Variants in AGBL4 observed in about 807,000 individuals in gnomAD.
The protein encoded by AGBL4 is cytosolic carboxypeptidase 6.
A neutral mutation model predicts 66.4 loss-of-function variants in AGBL4; 58 were observed. That is an observed-to-expected ratio of 0.87 (90% CI 0.71 to 1.09). The LOEUF (loss-of-function observed/expected upper bound fraction) is 1.09. AGBL4 is among the 50% of genes least tolerant of loss of function. The pLI is 0.00. For synonymous variants in AGBL4, 234 were observed against 222.9 expected (o/e 1.05, Z -0.44); for missense variants, 579 against 631.0 (o/e 0.92, Z 0.88).
At chr1:48,739,511 G>A (rs1462960462) in intron 6 of AGBL4, among the ~76,000 whole-genome samples, 5 of 152,054 alleles carry the variant, frequency 3.3e-5, no homozygotes, top group African/African-American at 1.2e-4. Context: ...TTCATTTCCC[G>A]CTACTTCCAG....
chr1:48,541,852 T>TTA (rs1644077028), intron 11 of AGBL4, among the ~76,000 whole-genome samples: 1 of 152,176 alleles, frequency 6.6e-6, no homozygotes, highest in South Asian at 2.1e-4. Context: ...ATCTTTTTTT[T>TTA]TATATATACT....
chr1:49,654,515 A>G (rs1327503020), intron 3 of AGBL4, among the ~76,000 whole-genome samples: 1 of 152,118 alleles, frequency 6.6e-6, no homozygotes, highest in Non-Finnish European at 1.5e-5. Flanking sequence ...TCTAATGTTG[A>G]CAGTGGGGGT....
chr1:48,808,916 A>G (rs139129965), intron 6 of AGBL4, among the ~76,000 whole-genome samples: 1 of 152,346 alleles, frequency 6.6e-6, no homozygotes, highest in African/African-American at 2.4e-5. Context: ...TGCTTAATAA[A>G]TGCATCTAGA....
intron 3 of AGBL4, among the ~76,000 whole-genome samples, chr1:49,592,550 A>T (rs1644771533): frequency 6.6e-6 from 1 of 152,196 alleles, no homozygotes; most frequent in Admixed American, 6.6e-5. Context: ...GCCTGGGTAC[A>T]CAGTGAGGCT....
intron 2 of AGBL4, among the ~76,000 whole-genome samples, chr1:49,789,584 A>G (rs1042070899): frequency 1.3e-5 from 2 of 152,202 alleles, no homozygotes; most frequent in Non-Finnish European, 2.9e-5. Context: ...CCCATTCATG[A>G]TTGCTACAAA....
At chr1:49,798,016 C>G (rs191686320) in intron 2 of AGBL4, among the ~76,000 whole-genome samples, 107 of 152,194 alleles carry the variant, frequency 7.0e-4, no homozygotes, top group Admixed American at 1.2e-3. Context: ...ATCCAAAGTG[C>G]TGGGATTACG....
intron 3 of AGBL4, among the ~76,000 whole-genome samples, chr1:49,592,910 T>C (rs1337881791): frequency 3.3e-5 from 5 of 152,194 alleles, no homozygotes; most frequent in Admixed American, 2.0e-4. Flanking sequence ...GAGATATAAA[T>C]TGTTTAACTA....
intron 4 of AGBL4, among the ~76,000 whole-genome samples, chr1:49,079,857 C>T (rs1249452006): frequency 6.6e-6 from 1 of 152,156 alleles, no homozygotes; most frequent in African/African-American, 2.4e-5. Flanking sequence ...TTCTTCAGTA[C>T]CTGAAAAGTC....
intron 12 of AGBL4, among the ~76,000 whole-genome samples, chr1:48,538,773 C>A (rs1218770946): frequency 1.3e-5 from 2 of 152,202 alleles, no homozygotes; most frequent in Non-Finnish European, 2.9e-5. Context: ...GAGGAAGGTG[C>A]ATCAGTGCAA....
At chr1:49,700,460 G>T (rs1647070323) in intron 2 of AGBL4, among the ~76,000 whole-genome samples, 1 of 151,762 alleles carries the variant, frequency 6.6e-6, no homozygotes, top group African/African-American at 2.4e-5. Context: ...AATACCAAAA[G>T]AAATATTCAG....
At chr1:49,507,058 G>T (rs1648755335) in intron 3 of AGBL4, among the ~76,000 whole-genome samples, 2 of 152,002 alleles carry the variant, frequency 1.3e-5, no homozygotes, top group South Asian at 4.1e-4. Context: ...GTCTCAAGAA[G>T]ATGTGGCAGC....
At chr1:49,951,867 A>G (rs1239246735) in intron 1 of AGBL4, among the ~76,000 whole-genome samples, 2 of 151,956 alleles carry the variant, frequency 1.3e-5, no homozygotes, top group Non-Finnish European at 2.9e-5. Context: ...GATATTTAGC[A>G]GTTCATTTAT....
chr1:49,280,928 G>T (rs1644260469), intron 3 of AGBL4, among the ~76,000 whole-genome samples: 1 of 151,962 alleles, frequency 6.6e-6, no homozygotes, highest in African/African-American at 2.4e-5. Context: ...CGAAGAAAAA[G>T]AAAACAGTAA....
At chr1:48,842,168 C>T (rs573193068) in intron 6 of AGBL4, among the ~76,000 whole-genome samples, 1 of 152,264 alleles carries the variant, frequency 6.6e-6, no homozygotes, top group South Asian at 2.1e-4. Flanking sequence ...TTTCCTTGCT[C>T]AATCCCTCCC....
chr1:49,303,451 T>TTTTTTTTATTTATTTATTTATTTA (rs1644791679), intron 3 of AGBL4, among the ~76,000 whole-genome samples: 1 of 147,240 alleles, frequency 6.8e-6, no homozygotes, highest in African/African-American at 2.6e-5. Flanking sequence ...CATAAATGTC[T>TTTTTTTTATTTATTTATTTATTTA]TTTATTTATT....
chr1:48,714,766 C>T (rs112027962), intron 6 of AGBL4, among the ~76,000 whole-genome samples: 4,424 of 152,278 alleles, frequency 0.029, 81 homozygotes, highest in South Asian at 0.096. Context: ...GGTCCTAGCC[C>T]CGACCACCTG....
At chr1:49,303,893 T>C (rs748457107) in intron 3 of AGBL4, among the ~76,000 whole-genome samples, 2 of 152,178 alleles carry the variant, frequency 1.3e-5, no homozygotes, top group Non-Finnish European at 2.9e-5. Flanking sequence ...CTTTGTCAGA[T>C]TGATAGATTG....
At chr1:49,973,480 C>G (rs865911250) in intron 1 of AGBL4, among the ~76,000 whole-genome samples, 1 of 151,716 alleles carries the variant, frequency 6.6e-6, no homozygotes, top group Non-Finnish European at 1.5e-5. Flanking sequence ...CAGAAAAATT[C>G]TTTGGGAAAT....
intron 3 of AGBL4, among the ~76,000 whole-genome samples, chr1:49,271,452 G>T (rs927334684): frequency 6.6e-6 from 1 of 151,486 alleles, no homozygotes; most frequent in African/African-American, 2.4e-5. Flanking sequence ...GATAATAAGA[G>T]ATTTCAAAGC....
Sources: gnomAD v4.1 joint callset for allele counts (sites outside exome capture counted in the v4.1 genomes callset) on GRCh38, gnomAD v4.1.1 for gene constraint, MANE v1.5 for transcripts, NCBI Gene and HGNC (gene_info 2026-07-23, HGNC 2026-07-21) for gene names.